The following LETM2 variants were observed in gnomAD, a reference collection of about 807,000 sequenced individuals.
LETM2 encodes LETM1 domain-containing protein LETM2, mitochondrial.
A neutral mutation model predicts 59.6 loss-of-function variants in LETM2; 58 were observed. The ratio of observed to expected loss-of-function variants is 0.97; its 90% CI spans 0.79 to 1.21. LETM2 has a LOEUF of 1.21. Ranked by LOEUF, LETM2 falls within the 50% of genes most tolerant of loss-of-function variation. LETM2 has a pLI of 0.00. For synonymous variants in LETM2, 199 were observed against 214.1 expected (o/e 0.93, Z 0.62); for missense variants, 572 against 575.7 (o/e 0.99, Z 0.07).
At chr8:38,406,767 C>G (rs1270240913) in intron 8 of LETM2, 179 bp from the exon 9 acceptor site, 4 of 497,232 alleles carry the variant, frequency 8.0e-6, no homozygotes, top group Admixed American at 3.5e-5. Flanking sequence ...AGAAATAATA[C>G]TAAGTTGCTA....
rs1563386258 is a variant in LETM2 at position 38,392,948 on chromosome 8, TG to T, written c.456del (p.Trp152Ter). On this transcript the variant is annotated frameshift_variant, in exon 3 of 11. Coordinates refer to ENST00000379957, the MANE Select transcript of LETM2 (RefSeq NM_001286819.2). LOFTEE classifies it high-confidence loss of function. ...CGCCAAAGTTGCTGCCAGAATGGTTTGGAGGCTGTTGCATGGACAGGTCCTG... is the reference window on the plus strand; with the variant it reads ...CGCCAAAGTTGCTGCCAGAATGGTTTGAGGCTGTTGCATGGACAGGTCCTG... ...IDAKVAARMV[W>X]RLLHGQVLTR... 6.2e-7 allele frequency: 1 copy of T among 1,610,852 alleles called. No individual in the cohort carries two copies. The highest frequency in any genetic ancestry group is 8.5e-7 in the Non-Finnish European group (1 of 1,180,020).
intron 4 of LETM2, among the ~76,000 whole-genome samples, chr8:38,395,055 CA>C: frequency 6.6e-6 from 1 of 152,094 alleles, no homozygotes; most frequent in Non-Finnish European, 1.5e-5. Flanking sequence ...TTTCATTGCT[CA>C]ATTCTTTTTA....
Position 38,400,382 on chromosome 8 carries a change from T to C in LETM2, c.756T>C (p.Ser252=), listed in dbSNP as rs144485941. The C allele has an allele frequency of 8.7e-6, 14 of 1,606,734 alleles. No individual in the cohort carries two copies. The highest frequency in any genetic ancestry group is 1.2e-5 in the Non-Finnish European group (14 of 1,177,516). ...ACAGAGCCAAGATGGGCGATGCCTC[T>C]ACACAGCTCTCATCCTACGTGAAGC... is the stretch of plus-strand genomic sequence containing the variant. ...RRNRAKMGDA[S]TQLSSYVKQV... The change falls in exon 5 of 11, where the codon TCT becomes TCC. Residue 252 remains serine, a synonymous_variant. Transcript: ENST00000379957.
At chr8:38,407,094 G>C (rs954965183) in intron 9 of LETM2, 56 bp downstream of exon 9, 2 of 1,043,008 alleles carry the variant, frequency 1.9e-6, no homozygotes, top group Non-Finnish European at 1.5e-6. Context: ...AATAGCAATG[G>C]GTCATTTTCT....
At chr8:38,401,900 C>G (rs758721960) in intron 6 of LETM2, among the ~76,000 whole-genome samples, 1 of 152,206 alleles carries the variant, frequency 6.6e-6, no homozygotes, top group Non-Finnish European at 1.5e-5. Flanking sequence ...GACTCAGAAT[C>G]AGCTGCTTTA....
chr8:38,407,066 A>AT, intron 9 of LETM2, 28 bp downstream of exon 9: 1 of 1,424,436 alleles, frequency 7.0e-7, no homozygotes, highest in African/African-American at 1.4e-5. Flanking sequence ...CATTTGGTTA[A>AT]TTAGATTAAA....
At chr8:38,387,375 GTTA>G (rs1030631704) in intron 1 of LETM2, 1 of 152,236 alleles carries the variant, frequency 6.6e-6, no homozygotes, top group Non-Finnish European at 1.5e-5. Flanking sequence ...TTTGGTGAAG[GTTA>G]TTTACAGGTT....
chr8:38,404,624 C>T (rs1475550827), intron 8 of LETM2, 118 bp downstream of exon 8: 2 of 681,494 alleles, frequency 2.9e-6, no homozygotes, highest in Non-Finnish European at 5.1e-6. Flanking sequence ...AGAATTTGAC[C>T]CAACTGGCTT....
intron 10 of LETM2, 127 bp from the exon 11 acceptor site, chr8:38,408,085 G>C (rs992781404): frequency 1.5e-6 from 1 of 683,126 alleles, no homozygotes; most frequent in East Asian, 2.8e-5. Flanking sequence ...TTATTACCAA[G>C]GTAAATTATA....
intron 2 of LETM2, 94 bp from the exon 3 acceptor site, chr8:38,392,448 G>T (rs922970764): frequency 6.8e-5 from 55 of 807,104 alleles, no homozygotes; most frequent in Non-Finnish European, 9.2e-5. Flanking sequence ...TTGACCAGAT[G>T]TACTATCTAT....
chr8:38,400,901 A>C lies in LETM2; in HGVS notation c.832A>C (p.Lys278Gln). 1.2e-6 allele frequency: 2 copies of C among 1,614,200 alleles called. No homozygotes were observed. The highest frequency in any genetic ancestry group is 1.7e-6 in the Non-Finnish European group (2 of 1,180,040). The change falls in exon 6 of 11, where the codon AAA becomes CAA. Residue 278 changes from lysine (K) to glutamine (Q), a missense_variant. Transcript: ENST00000379957. ...CACAAAGGAGATAGTTCGCTTCTCC[A>C]AACTATTTGAGGACCAGCTGGCCCT... ...PSTKEIVRFS[K>Q]LFEDQLALEH... is the part of the protein sequence containing the mutation.
At chr8:38,391,645 G>A (rs189966724) in intron 2 of LETM2, among the ~76,000 whole-genome samples, 28 of 151,640 alleles carry the variant, frequency 1.8e-4, no homozygotes, top group Admixed American at 3.3e-4. Flanking sequence ...CAAACTGTGG[G>A]CTGTTGCAAT....
intron 3 of LETM2, 61 bp downstream of exon 3, chr8:38,393,056 C>G: frequency 3.7e-6 from 5 of 1,361,588 alleles, no homozygotes; most frequent in Non-Finnish European, 5.0e-6. Context: ...TTTGGGAACT[C>G]AACTATTTAA....
rs956037477 is a variant in LETM2 at position 38,408,374 on chromosome 8, C to T, written c.*100C>T. The T allele has an allele frequency of 1.9e-5, 20 of 1,053,978 alleles. No individual in the cohort carries two copies. The highest frequency in any genetic ancestry group is 1.3e-4 in the Admixed American group (6 of 47,486). 65.3% of individuals were successfully genotyped at this position (1,053,978 alleles called of 1,614,324 possible). ...GATAAGACTGTCTGGCTTCAGAGAG[C>T]GGATCAGCTGTTTAGCCCGTGGGGC... On this transcript the variant is annotated 3_prime_UTR_variant, in exon 11 of 11. Transcript: ENST00000379957.
At chr8:38,384,038 G>C (rs542378369), upstream of LETM2, among the ~76,000 whole-genome samples, 28 of 152,008 alleles carry the variant, frequency 1.8e-4, no homozygotes, top group African/African-American at 6.0e-4. Flanking sequence ...CTTTTTATTT[G>C]TGATATGACA....
intron 9 of LETM2, 157 bp from the exon 10 acceptor site, chr8:38,407,205 T>C: frequency 1.4e-6 from 1 of 726,792 alleles, no homozygotes; most frequent in South Asian, 1.7e-5. Context: ...GCTTAATATT[T>C]GGCTACACGT....
chr8:38,392,471 ATGTGCTTTATGATAGTG>A, intron 2 of LETM2, 54 bp from the exon 3 acceptor site: 1 of 917,210 alleles, frequency 1.1e-6, no homozygotes, highest in Non-Finnish European at 1.7e-6. Flanking sequence ...CTTTAATAAT[ATGTGCTTTATGATAGTG>A]TGTGCTTTGT....
chr8:38,406,838 A>T (rs1260438767), intron 8 of LETM2, 108 bp from the exon 9 acceptor site: 2 of 673,640 alleles, frequency 3.0e-6, no homozygotes, highest in South Asian at 1.8e-5. Context: ...GAAGTTAGGG[A>T]TTTAGTGGAA....
At chr8:38,399,292 T>A (rs1812963676) in intron 4 of LETM2, among the ~76,000 whole-genome samples, 1 of 152,214 alleles carries the variant, frequency 6.6e-6, no homozygotes, top group Admixed American at 6.5e-5. Flanking sequence ...TTCTGTGTAG[T>A]GCTGTGTTCA....
Sources: gnomAD v4.1 joint callset for allele counts (sites outside exome capture counted in the v4.1 genomes callset) on GRCh38, gnomAD v4.1.1 for gene constraint, MANE v1.5 for transcripts, NCBI Gene and HGNC (gene_info 2026-07-23, HGNC 2026-07-21) for gene names.